The following FABP6 variants were observed in gnomAD, a reference collection of about 807,000 sequenced individuals.
The protein encoded by FABP6 is fatty acid binding protein 6, also known as gastrotropin.
In FABP6, 13 loss-of-function variants were observed where a neutral mutation model predicts 14.9. The observed-to-expected ratio is 0.87, with a 90% CI of 0.57 to 1.39. The LOEUF (loss-of-function observed/expected upper bound fraction) is 1.39, where lower values mean the gene tolerates loss of function less well. FABP6 is among the 40% of genes most tolerant of loss of function. FABP6 has a pLI of 0.00. For synonymous variants in FABP6, 75 were observed against 63.6 expected (o/e 1.18, Z -0.85); for missense variants, 161 against 167.2 (o/e 0.96, Z 0.20).
intron 3 of FABP6, among the ~76,000 whole-genome samples, chr5:160,214,152 T>TTTCTTTCTTTCTTTCTTTTTCTTTCA (rs755078967): frequency 7.8e-6 from 1 of 128,890 alleles, no homozygotes; most frequent in African/African-American, 3.0e-5. Flanking sequence ...TCTTTCTTTC[T>TTTCTTTCTTTCTTTCTTTTTCTTTCA]TTCTTTCCTT....
rs150063208 is a variant in FABP6 at position 160,232,869 on chromosome 5, C to T, written c.243+596C>T. On this transcript the variant is annotated intron_variant, in intron 2 of 3. Transcript: ENST00000402432. Reference sequence around the variant, plus strand: ...CTGAGATCATGCCACTGCACTCCAGCCTGGGCGACAGAGTGAGAGTCCATC... The same window carrying T: ...CTGAGATCATGCCACTGCACTCCAGTCTGGGCGACAGAGTGAGAGTCCATC... Among the ~76,000 whole-genome samples the T allele has an allele frequency of 7.3e-3, 1,102 of 150,942 alleles. 8 individuals carry two copies. Among genetic ancestry groups the T allele is most frequent in the African/African-American group, 0.025 (1,048 of 41,104 alleles).
At chr5:160,238,228 G>A (rs561798553) in intron 3 of FABP6, among the ~76,000 whole-genome samples, 9 of 152,322 alleles carry the variant, frequency 5.9e-5, no homozygotes, top group Middle Eastern at 3.4e-3. Flanking sequence ...CAGCCATGGC[G>A]TGTGGCCTTG....
intron 2 of FABP6, 144 bp downstream of exon 2, chr5:160,232,417 A>G (rs1362370875): frequency 5.1e-6 from 4 of 776,956 alleles, no homozygotes; most frequent in Non-Finnish European, 8.0e-6. Context: ...TTGGCAATTT[A>G]ATGCTCCTGA....
chr5:160,207,491 T>G (rs943291364), intron 2 of FABP6, among the ~76,000 whole-genome samples: 4 of 152,248 alleles, frequency 2.6e-5, no homozygotes, highest in Non-Finnish European at 5.9e-5. Flanking sequence ...ACATTCTTGC[T>G]AAATTAGTTT....
rs543641459 is a variant in FABP6, at chr5:160,220,692, G to A, written c.135+6873G>A. On this transcript the variant is annotated intron_variant, in intron 3 of 6. Transcript: ENST00000393980. ...TTCCCTCATACTCAGGAAGTGGTCG[G>A]GTAATGTTTCTGTGTTCCAAAAATA... 3.9e-5 allele frequency among the ~76,000 whole-genome samples: 6 copies of A among 151,958 alleles called. No individual in the cohort carries two copies. In the East Asian group the frequency reaches 1.2e-3, roughly 29 times the overall value.
At chr5:160,233,218 G>C (rs1176869875) in intron 2 of FABP6, among the ~76,000 whole-genome samples, 1 of 151,894 alleles carries the variant, frequency 6.6e-6, no homozygotes, top group Non-Finnish European at 1.5e-5. Context: ...CTGACCTTGT[G>C]ATCCGCCCAC....
intron 1 of FABP6, among the ~76,000 whole-genome samples, chr5:160,192,446 T>C (rs1422679919): frequency 6.6e-6 from 1 of 152,268 alleles, no homozygotes; most frequent in Non-Finnish European, 1.5e-5. Context: ...TGCAGAAACC[T>C]TGCGTGTTTA....
In FABP6 at chr5:160,230,487, A is replaced by C. The variant is rs539223643; in HGVS notation, c.67+863A>C. On this transcript the variant is annotated intron_variant, in intron 1 of 3. Transcript: ENST00000402432. ...GCAATTCTCCTACCTCAGCCTCTCA[A>C]GTAGCTGGAACTACAGGCATGTGCC... 2.6e-3 allele frequency among the ~76,000 whole-genome samples: 398 copies of C among 152,220 alleles called. 4 individuals are homozygous for C. The highest frequency in any genetic ancestry group is 9.3e-3 in the African/African-American group (385 of 41,526).
chr5:160,216,275 T>G (rs1760011237), intron 3 of FABP6, among the ~76,000 whole-genome samples: 1 of 151,946 alleles, frequency 6.6e-6, no homozygotes, highest in Non-Finnish European at 1.5e-5. Context: ...TTGTAATTTT[T>G]TTTTTTTTTT....
upstream of FABP6, chr5:160,228,700 G>T: frequency 2.7e-6 from 1 of 366,860 alleles, no homozygotes; most frequent in South Asian, 2.0e-5. Context: ...CAGGTGCGCT[G>T]CCTAGGCCCA....
In FABP6 at chr5:160,210,677, G is replaced by A. The variant is rs369490603; in HGVS notation, c.52-3059G>A. Among the ~76,000 whole-genome samples, 99 of 152,330 alleles carry A rather than the reference G, an allele frequency of 6.5e-4. 3 individuals carry two copies. In the South Asian group the frequency reaches 0.019, roughly 29 times the overall value. ...AGGGAGAAAACACAGGAGCAGCCACGTCTCAGCCTTCTCAGAATGTCCAAT... is the reference window on the plus strand; with the variant it reads ...AGGGAGAAAACACAGGAGCAGCCACATCTCAGCCTTCTCAGAATGTCCAAT... On this transcript the variant is annotated intron_variant, in intron 2 of 6. Coordinates refer to the FABP6 transcript ENST00000393980.
At chr5:160,225,399 C>CTT (rs1284538826), upstream of FABP6, among the ~76,000 whole-genome samples, 435 of 123,490 alleles carry the variant, frequency 3.5e-3, 4 homozygotes, top group African/African-American at 0.012. Context: ...CCAGCCCCAC[C>CTT]TTTTTTTTTT....
intron 2 of FABP6, among the ~76,000 whole-genome samples, chr5:160,211,044 G>A (rs1158559922): frequency 6.6e-6 from 1 of 152,176 alleles, no homozygotes; most frequent in East Asian, 1.9e-4. Context: ...CTTGGACGTT[G>A]TTAGACATGC....
At chr5:160,211,339 A>G (rs1170829471) in intron 2 of FABP6, among the ~76,000 whole-genome samples, 2 of 152,092 alleles carry the variant, frequency 1.3e-5, no homozygotes, top group Non-Finnish European at 2.9e-5. Context: ...GGCTGAGCCC[A>G]TTGGGCTTTC....
chr5:160,227,486 A>G (rs999200833), upstream of FABP6, among the ~76,000 whole-genome samples: 12 of 142,126 alleles, frequency 8.4e-5, no homozygotes, highest in African/African-American at 2.9e-4. Context: ...AGATTGTACC[A>G]CTGCACTTTG....
At chr5:160,221,299 T>G (rs1387788926) in intron 3 of FABP6, among the ~76,000 whole-genome samples, 1 of 151,886 alleles carries the variant, frequency 6.6e-6, no homozygotes, top group Non-Finnish European at 1.5e-5. Flanking sequence ...GCTCTGGGGA[T>G]TTTTGCAAGG....
intron 3 of FABP6, among the ~76,000 whole-genome samples, chr5:160,223,723 T>C (rs1322717983): frequency 1.3e-5 from 2 of 151,446 alleles, no homozygotes; most frequent in African/African-American, 2.4e-5. Flanking sequence ...TGCTGTGCCC[T>C]GCCAAAATAG....
chr5:160,207,117 A>C (rs1395982943), intron 2 of FABP6, among the ~76,000 whole-genome samples: 1 of 152,260 alleles, frequency 6.6e-6, no homozygotes, highest in Non-Finnish European at 1.5e-5. Flanking sequence ...AGAAATGCAA[A>C]ATAGCACAGT....
chr5:160,203,856 C>A (rs1450303877), intron 2 of FABP6, among the ~76,000 whole-genome samples: 2 of 152,076 alleles, frequency 1.3e-5, no homozygotes, highest in African/African-American at 4.8e-5. Flanking sequence ...CACGCGCCAA[C>A]ATGCCTGGTT....
Sources: gnomAD v4.1 joint callset for allele counts (sites outside exome capture counted in the v4.1 genomes callset) on GRCh38, gnomAD v4.1.1 for gene constraint, MANE v1.5 for transcripts, NCBI Gene and HGNC (gene_info 2026-07-23, HGNC 2026-07-21) for gene names.